Variants in FILIP1L observed in about 807,000 individuals in gnomAD.
FILIP1L encodes filamin A interacting protein 1 like.
A neutral mutation model predicts 96.6 loss-of-function variants in FILIP1L; 55 were observed. That is an observed-to-expected ratio of 0.57 (90% CI 0.46 to 0.71). The LOEUF is 0.71. Ranked by LOEUF, FILIP1L falls within the 30% of genes least tolerant of loss-of-function variation. The pLI is 0.00. For synonymous variants in FILIP1L, 467 were observed against 473.9 expected (o/e 0.99, Z 0.19); for missense variants, 1,304 against 1,321.2 (o/e 0.99, Z 0.20).
At chr3:100,064,957 A>G (rs1382294184) in intron 1 of FILIP1L, among the ~76,000 whole-genome samples, 1 of 152,198 alleles carries the variant, frequency 6.6e-6, no homozygotes, top group Non-Finnish European at 1.5e-5. Flanking sequence ...ATCTACTAAC[A>G]TATGTTAAAC....
intron 1 of FILIP1L, among the ~76,000 whole-genome samples, chr3:99,990,554 A>T (rs923465735): frequency 6.6e-6 from 1 of 152,210 alleles, no homozygotes; most frequent in African/African-American, 2.4e-5. Flanking sequence ...GTTTTCAGTC[A>T]TGGCCACAAT....
At chr3:99,942,278 TTA>T in intron 1 of FILIP1L, among the ~76,000 whole-genome samples, 1 of 152,328 alleles carries the variant, frequency 6.6e-6, no homozygotes, top group East Asian at 1.9e-4. Context: ...AATGTGCTTT[TTA>T]TTTTTCCAGA....
intron 5 of FILIP1L, among the ~76,000 whole-genome samples, chr3:99,834,316 A>G (rs1942807163): frequency 6.6e-6 from 1 of 152,246 alleles, no homozygotes; most frequent in African/African-American, 2.4e-5. Context: ...TCTATGGCTT[A>G]TATTAAAGAG....
At chr3:100,096,765 A>G (rs1041256511) in intron 1 of FILIP1L, among the ~76,000 whole-genome samples, 8 of 152,356 alleles carry the variant, frequency 5.3e-5, no homozygotes, top group African/African-American at 1.7e-4. Flanking sequence ...CTGAAAGAGT[A>G]TAATTGGATT....
At chr3:100,030,235 G>T (rs1292021180) in intron 1 of FILIP1L, among the ~76,000 whole-genome samples, 3 of 152,096 alleles carry the variant, frequency 2.0e-5, no homozygotes, top group African/African-American at 7.2e-5. Context: ...CATTTTGACT[G>T]TATAGTATTG....
chr3:100,095,787 A>C (rs1278221037), intron 1 of FILIP1L, among the ~76,000 whole-genome samples: 1 of 152,184 alleles, frequency 6.6e-6, no homozygotes, highest in Non-Finnish European at 1.5e-5. Flanking sequence ...ACATCAACTT[A>C]AAAAGCTTCT....
chr3:100,038,180 TC>T (rs2065143111), intron 1 of FILIP1L, among the ~76,000 whole-genome samples: 1 of 152,160 alleles, frequency 6.6e-6, no homozygotes, highest in Admixed American at 6.5e-5. Context: ...GGTCTTGAAC[TC>T]CTGACTTCAG....
rs140699592 is a variant in FILIP1L, at chr3:100,078,953, G to A, written c.-11+35100C>T. Among the ~76,000 whole-genome samples the A allele has an allele frequency of 1.6e-3, 237 of 152,220 alleles. 6 individuals carry two copies. Among genetic ancestry groups the A allele is most frequent in the East Asian group, 7.5e-3 (39 of 5,176 alleles). On this transcript the variant is annotated intron_variant, in intron 1 of 5. Transcript: ENST00000477258. ...ATATTTTAAGAAAGTTCACTAATTTGTGTTGGGCCACATTCAAAGCTGTCC... is the reference window on the plus strand; with the variant it reads ...ATATTTTAAGAAAGTTCACTAATTTATGTTGGGCCACATTCAAAGCTGTCC...
rs145617870 is a variant in FILIP1L at position 99,835,134 on chromosome 3, C to T, written c.3382-4529G>A. ...TTTATCTCTCAACTTTCCTCTCTCT[C>T]CAATTATTTATAGGCAATATGTTGC... On this transcript the variant is annotated intron_variant, in intron 5 of 5. Coordinates refer to ENST00000477258, the MANE Select transcript of FILIP1L (RefSeq NM_001387850.1). Among the ~76,000 whole-genome samples the T allele has an allele frequency of 4.6e-3, 695 of 152,274 alleles. 2 individuals carry two copies. Among genetic ancestry groups the T allele is most frequent in the South Asian group, 7.1e-3 (34 of 4,820 alleles).
intron 1 of FILIP1L, among the ~76,000 whole-genome samples, chr3:99,945,381 G>A (rs1490655656): frequency 6.6e-6 from 1 of 152,136 alleles, no homozygotes; most frequent in Admixed American, 6.5e-5. Flanking sequence ...TGTGGTAATG[G>A]GGATAGATTG....
intron 4 of FILIP1L, among the ~76,000 whole-genome samples, chr3:99,892,254 G>A (rs542308232): frequency 3.5e-4 from 54 of 152,322 alleles, no homozygotes; most frequent in African/African-American, 1.2e-3. Flanking sequence ...GGAGAACCAT[G>A]TAATGTGAGG....
intron 1 of FILIP1L, among the ~76,000 whole-genome samples, chr3:100,053,414 G>A (rs1045877861): frequency 6.6e-6 from 1 of 152,120 alleles, no homozygotes; most frequent in Non-Finnish European, 1.5e-5. Context: ...TTGGCTTGTG[G>A]CAGCATAACT....
chr3:99,998,456 T>G (rs1395709547), intron 1 of FILIP1L, among the ~76,000 whole-genome samples: 2 of 152,180 alleles, frequency 1.3e-5, no homozygotes, highest in Non-Finnish European at 2.9e-5. Flanking sequence ...ATGTACATTT[T>G]TGAGATTAGA....
intron 5 of FILIP1L, among the ~76,000 whole-genome samples, chr3:99,846,310 C>G (rs1348096845): frequency 6.6e-6 from 1 of 152,176 alleles, no homozygotes; most frequent in Non-Finnish European, 1.5e-5. Flanking sequence ...AGACTTTGTT[C>G]TTAAATTCTG....
In FILIP1L at chr3:99,910,787, G is replaced by GTCAACAAGAGCTGTTGTT. The variant is rs1706763231; in HGVS notation, c.605+13442_605+13443insAACAACAGCTCTTGTTGA. 2.4e-5 allele frequency among the ~76,000 whole-genome samples: 2 copies of GTCAACAAGAGCTGTTGTT among 83,570 alleles called. 1 individual carries two copies. The highest frequency in any genetic ancestry group is 6.4e-5 in the Non-Finnish European group (2 of 31,020). The allele number at this position is 83,570 out of a possible 152,430, so 54.8% of individuals were successfully genotyped here. On this transcript the variant is annotated intron_variant, in intron 4 of 5. Coordinates refer to ENST00000477258, the MANE Select transcript of FILIP1L (RefSeq NM_001387850.1). Reference sequence around the variant, plus strand: ...GAAAGTAGATAACTAGAATATTTATGCCCATTTTATAGATGGAAGCATCAA... The same window carrying GTCAACAAGAGCTGTTGTT: ...GAAAGTAGATAACTAGAATATTTATGTCAACAAGAGCTGTTGTTCCCATTTTATAGATGGAAGCATCAA...
Position 99,895,074 on chromosome 3 carries a change from C to T in FILIP1L, c.605+29156G>A, listed in dbSNP as rs555976424. 1.4e-4 allele frequency among the ~76,000 whole-genome samples: 21 copies of T among 151,738 alleles called. No individual in the cohort carries two copies. In the East Asian group the frequency reaches 3.6e-3, roughly 26 times the overall value. ...GTAGCTCTGGAAATACTCTTGCCCT[C>T]CAGGTGCCATCCTTCGAACAGGGTG... On this transcript the variant is annotated intron_variant, in intron 4 of 5. Coordinates refer to ENST00000477258, the MANE Select transcript of FILIP1L (RefSeq NM_001387850.1).
intron 1 of FILIP1L, among the ~76,000 whole-genome samples, chr3:100,079,816 T>TA (rs551720958): frequency 5.8e-4 from 85 of 147,260 alleles, no homozygotes; most frequent in East Asian, 4.9e-3. Flanking sequence ...CATGATAACC[T>TA]AAAAAAAAAA....
chr3:100,046,709 A>C (rs2065284585), intron 1 of FILIP1L, among the ~76,000 whole-genome samples: 2 of 152,236 alleles, frequency 1.3e-5, no homozygotes. Flanking sequence ...CAGCGCTGAC[A>C]GAAGTGAGAA....
intron 1 of FILIP1L, among the ~76,000 whole-genome samples, chr3:99,934,840 G>A (rs1392646412): frequency 1.3e-5 from 2 of 152,164 alleles, no homozygotes; most frequent in Non-Finnish European, 2.9e-5. Flanking sequence ...TTTATACTGT[G>A]TTTGTTATTC....
Sources: gnomAD v4.1 joint callset for allele counts (sites outside exome capture counted in the v4.1 genomes callset) on GRCh38, gnomAD v4.1.1 for gene constraint, MANE v1.5 for transcripts, NCBI Gene and HGNC (gene_info 2026-07-23, HGNC 2026-07-21) for gene names.